The following VPS37A variants were observed in gnomAD, a reference collection of about 807,000 sequenced individuals.
VPS37A encodes the protein vacuolar protein sorting-associated protein 37A.
In VPS37A, 30 loss-of-function variants were observed where a neutral mutation model predicts 49.8. The ratio of observed to expected loss-of-function variants is 0.60; its 90% CI spans 0.45 to 0.82. The LOEUF is 0.82. VPS37A is among the 40% of genes least tolerant of loss of function. The pLI, the probability that VPS37A is intolerant of heterozygous loss-of-function variation, is 0.00. For missense variants in VPS37A, 593 were observed against 464.4 expected, an observed-to-expected ratio of 1.28 and a Z score of -2.55; for synonymous variants, 195 against 160.6, an observed-to-expected ratio of 1.21 and a Z score of -1.62.
At chr8:17,287,600 C>A (rs1285606082) in intron 11 of VPS37A, among the ~76,000 whole-genome samples, 1 of 151,992 alleles carries the variant, frequency 6.6e-6, no homozygotes, top group Non-Finnish European at 1.5e-5. Flanking sequence ...ATGGCATGAA[C>A]CTGGGAGGCA....
chr8:17,321,333 C>A, the VPS37A span, among the ~76,000 whole-genome samples: 1 of 152,228 alleles, frequency 6.6e-6, no homozygotes, highest in Non-Finnish European at 1.5e-5. Flanking sequence ...AGTTAGCTCT[C>A]AGCAATGGGA....
the VPS37A span, among the ~76,000 whole-genome samples, chr8:17,315,142 C>T: frequency 1.3e-5 from 2 of 152,010 alleles, no homozygotes; most frequent in African/African-American, 2.4e-5. Context: ...TATGTCCTGA[C>T]AATGAAATAC....
At chr8:17,265,698 G>T (rs1404415735) in intron 1 of VPS37A, 1 of 1,359,950 alleles carries the variant, frequency 7.4e-7, no homozygotes, top group East Asian at 2.8e-5. Context: ...CCCTTCCCCT[G>T]GATAGTTTAG....
intron 4 of VPS37A, among the ~76,000 whole-genome samples, chr8:17,273,304 A>G (rs886180632): frequency 2.6e-5 from 4 of 152,148 alleles, no homozygotes; most frequent in Admixed American, 6.5e-5. Flanking sequence ...TTTGTTGGAT[A>G]AATTCTAGAA....
intron 1 of VPS37A, among the ~76,000 whole-genome samples, chr8:17,260,001 G>A (rs982764185): frequency 6.6e-6 from 1 of 151,894 alleles, no homozygotes. Context: ...CATATTCTTG[G>A]GTCTTGTTGC....
intron 1 of VPS37A, among the ~76,000 whole-genome samples, chr8:17,261,403 C>T (rs1225040088): frequency 6.6e-6 from 1 of 152,094 alleles, no homozygotes; most frequent in East Asian, 1.9e-4. Context: ...ACTGAGTTTC[C>T]TTAAATCTAC....
In VPS37A at chr8:17,247,132, T is replaced by C. The variant is rs935253011; in HGVS notation, c.-113T>C. The C allele has an allele frequency of 2.7e-5, 38 of 1,432,664 alleles. No individual in the cohort carries two copies. The highest frequency in any genetic ancestry group is 2.3e-4 in the Middle Eastern group (1 of 4,328). The allele number at this position is 1,432,664 out of a possible 1,614,324, so 88.7% of individuals were successfully genotyped here. A position where few individuals can be genotyped will look rare whatever the true frequency, so the allele number is the denominator to read the frequency against. Reference sequence around the variant, plus strand: ...TAGAGAAGACGCGGTCCCCAGCGCTTGGGCCACGGACGTCCCACCCCGCTC... The same window carrying C: ...TAGAGAAGACGCGGTCCCCAGCGCTCGGGCCACGGACGTCCCACCCCGCTC... On this transcript the variant is annotated 5_prime_UTR_variant, in exon 1 of 12. Coordinates refer to ENST00000324849, the MANE Select transcript of VPS37A (RefSeq NM_152415.3).
chr8:17,318,252 G>C, the VPS37A span, among the ~76,000 whole-genome samples: 1 of 151,900 alleles, frequency 6.6e-6, no homozygotes, highest in Non-Finnish European at 1.5e-5. Flanking sequence ...ATCATGCTCG[G>C]GCTGGGAATC....
chr8:17,281,184 C>T (rs1034500054), intron 9 of VPS37A, among the ~76,000 whole-genome samples: 6 of 152,000 alleles, frequency 3.9e-5, no homozygotes, highest in African/African-American at 1.4e-4. Flanking sequence ...ATGTCTTGCA[C>T]CGCATGAAGC....
the VPS37A span, among the ~76,000 whole-genome samples, chr8:17,319,282 G>A: frequency 3.3e-3 from 499 of 152,260 alleles, 1 homozygote; most frequent in Non-Finnish European, 6.1e-3. Context: ...TCAAACAGTT[G>A]TGAAGATGAA....
rs1816705677 is a variant in VPS37A at position 17,297,027 on chromosome 8, A to G, written c.*2041A>G. 1 of 152,216 alleles carries G rather than the reference A, an allele frequency of 6.6e-6. No individual in the cohort carries two copies. Among genetic ancestry groups the G allele is most frequent in the Non-Finnish European group, 1.5e-5 (1 of 68,028 alleles). The allele number at this position is 152,216 out of a possible 1,614,324, so 9.4% of individuals were successfully genotyped here. The stretch of plus-strand genomic sequence containing the variant: ...AATGTGGGTTCTGTTTTTGCAACAG[A>G]GATTAAGTGACCATTTTTTCTAATT... On this transcript the variant is annotated 3_prime_UTR_variant, in exon 12 of 12. Transcript: ENST00000324849.
intron 2 of VPS37A, 105 bp downstream of exon 2, chr8:17,266,086 A>C: frequency 1.0e-6 from 1 of 962,478 alleles, no homozygotes; most frequent in East Asian, 2.7e-5. Flanking sequence ...TATTTCAAGT[A>C]ACTATAATTT....
At chr8:17,323,487 G>A in the VPS37A span, among the ~76,000 whole-genome samples, 5 of 152,116 alleles carry the variant, frequency 3.3e-5, no homozygotes, top group Non-Finnish European at 4.4e-5. Context: ...CACAAGAGAA[G>A]TCGACACTGG....
At chr8:17,289,935 A>T (rs2150423894) in intron 11 of VPS37A, among the ~76,000 whole-genome samples, 1 of 152,174 alleles carries the variant, frequency 6.6e-6, no homozygotes, top group South Asian at 2.1e-4. Flanking sequence ...TGTAAGTTGG[A>T]TTCCTAGGTA....
At chr8:17,263,527 TA>T (rs56971094) in intron 1 of VPS37A, among the ~76,000 whole-genome samples, 76,561 of 151,824 alleles carry the variant, frequency 0.5, 22,803 homozygotes, top group African/African-American at 0.81. Context: ...AGAAAACTCA[TA>T]AAAAAAATTT....
chr8:17,282,608 TGGAAAA>T (rs1323821817), intron 9 of VPS37A, among the ~76,000 whole-genome samples: 7 of 152,178 alleles, frequency 4.6e-5, no homozygotes, highest in Non-Finnish European at 1.0e-4. Flanking sequence ...AGTGGTCTAT[TGGAAAA>T]GGAAACAACA....
intron 1 of VPS37A, among the ~76,000 whole-genome samples, chr8:17,259,422 G>A (rs1812776440): frequency 1.3e-5 from 2 of 152,138 alleles, no homozygotes; most frequent in South Asian, 4.1e-4. Flanking sequence ...TTATTGCATT[G>A]TGGTCAGAAA....
At chr8:17,286,553 T>C in intron 11 of VPS37A, 126 bp downstream of exon 11, 1 of 709,982 alleles carries the variant, frequency 1.4e-6, no homozygotes, top group Non-Finnish European at 2.3e-6. Flanking sequence ...CTGTGCTATG[T>C]AACATAGAAT....
the VPS37A span, among the ~76,000 whole-genome samples, chr8:17,315,642 C>A: frequency 6.6e-6 from 1 of 152,034 alleles, no homozygotes; most frequent in Non-Finnish European, 1.5e-5. Flanking sequence ...AAGAAAAAGT[C>A]TTTAAAAACA....
Sources: allele counts gnomAD v4.1 joint callset (sites outside exome capture counted in the v4.1 genomes callset), GRCh38; gene constraint gnomAD v4.1.1; transcripts MANE v1.5; gene names NCBI Gene and HGNC (gene_info 2026-07-23, HGNC 2026-07-21).